KCNU1: variants seen among roughly 807,000 people sequenced by gnomAD.
KCNU1 encodes potassium calcium-activated channel subfamily U member 1.
KCNU1 carries 93 observed loss-of-function variants against 126.8 expected under a neutral mutation model. That is an observed-to-expected ratio of 0.73 (90% CI 0.62 to 0.87). The LOEUF (loss-of-function observed/expected upper bound fraction) is 0.87. Among genes scored for constraint, KCNU1 ranks in the 40% least tolerant of loss-of-function variants. The pLI, the probability that KCNU1 is intolerant of heterozygous loss-of-function variation, is 0.00. For synonymous variants in KCNU1, 523 were observed against 494.2 expected (o/e 1.06, Z -0.77); for missense variants, 1,330 against 1,367.1 (o/e 0.97, Z 0.43).
At chr8:36,840,429 G>T (rs372052384) in intron 14 of KCNU1, 34 bp from the exon 15 acceptor site, 1 of 1,018,552 alleles carries the variant, frequency 9.8e-7, no homozygotes, top group African/African-American at 1.6e-5. Context: ...ATTCCTTGTC[G>T]TTTTGCTTCG....
intron 16 of KCNU1, among the ~76,000 whole-genome samples, chr8:36,844,104 C>G (rs1003697099): frequency 7.2e-5 from 11 of 152,124 alleles, no homozygotes; most frequent in African/African-American, 2.7e-4. Flanking sequence ...AGCGGCCAGG[C>G]GCAGTGGCTC....
chr8:36,914,718 C>A (rs1475646192), intron 22 of KCNU1, among the ~76,000 whole-genome samples: 3 of 152,138 alleles, frequency 2.0e-5, no homozygotes, highest in Non-Finnish European at 4.4e-5. Context: ...ACTGCCCTGT[C>A]ACATCACAAG....
intron 2 of KCNU1, among the ~76,000 whole-genome samples, chr8:36,792,294 T>C (rs1220912883): frequency 6.6e-6 from 1 of 152,194 alleles, no homozygotes; most frequent in African/African-American, 2.4e-5. Context: ...TCTCCTCCCA[T>C]AATTGTATCT....
At chr8:36,827,327 G>T (rs2130517650) in intron 10 of KCNU1, among the ~76,000 whole-genome samples, 1 of 152,146 alleles carries the variant, frequency 6.6e-6, no homozygotes, top group African/African-American at 2.4e-5. Flanking sequence ...CTTTTGTTAT[G>T]CCAGTTTATA....
chr8:36,922,058 CA>C (rs1808369270), intron 23 of KCNU1, among the ~76,000 whole-genome samples: 1 of 152,164 alleles, frequency 6.6e-6, no homozygotes, highest in Non-Finnish European at 1.5e-5. Context: ...AAGTAAATAC[CA>C]AGTCATCTAT....
At chr8:36,876,587 C>G (rs1223749597) in intron 19 of KCNU1, among the ~76,000 whole-genome samples, 1 of 152,150 alleles carries the variant, frequency 6.6e-6, no homozygotes, top group Non-Finnish European at 1.5e-5. Context: ...TAATGAGGTG[C>G]TCTGTCACCA....
intron 24 of KCNU1, among the ~76,000 whole-genome samples, chr8:36,930,707 C>A (rs538535377): frequency 6.6e-6 from 1 of 152,046 alleles, no homozygotes; most frequent in South Asian, 2.1e-4. Context: ...CTTCTTCATC[C>A]GAAGTGTAAT....
chr8:36,897,319 TTC>T (rs1403975769), intron 19 of KCNU1, among the ~76,000 whole-genome samples: 1 of 151,976 alleles, frequency 6.6e-6, no homozygotes, highest in Non-Finnish European at 1.5e-5. Flanking sequence ...CTCTCTCTTT[TTC>T]TCTGTCTATC....
chr8:36,866,594 A>G (rs926716073), intron 19 of KCNU1, among the ~76,000 whole-genome samples: 1 of 152,146 alleles, frequency 6.6e-6, no homozygotes, highest in Non-Finnish European at 1.5e-5. Flanking sequence ...ACAGATGAGC[A>G]CTGGAATCTG....
intron 19 of KCNU1, among the ~76,000 whole-genome samples, chr8:36,888,067 G>A (rs1033007811): frequency 2.6e-5 from 4 of 152,012 alleles, no homozygotes; most frequent in Non-Finnish European, 4.4e-5. Flanking sequence ...TCAGTTGGTC[G>A]GGGAAAGGGG....
At chr8:36,924,435 C>G (rs1035631168) in intron 24 of KCNU1, among the ~76,000 whole-genome samples, 7 of 152,180 alleles carry the variant, frequency 4.6e-5, no homozygotes. Context: ...CAATGCCATT[C>G]GGCATGAGAT....
rs1803837769 is a variant in KCNU1, at chr8:36,814,481, T to C, written c.903+104T>C. 10 of 825,118 alleles carry C rather than the reference T, an allele frequency of 1.2e-5. No individual in the cohort carries two copies. The East Asian group carries it at 2.7e-4, about 22-fold the overall frequency. 51.1% of individuals were successfully genotyped at this position (825,118 alleles called of 1,614,324 possible). A position where few individuals can be genotyped will look rare whatever the true frequency, so the allele number is the denominator to read the frequency against. ...TATAGGTTTAAGAGTGAATGTTGCA[T>C]TACTTGGGGCACATGTCAAGGGCAA... On this transcript the variant is annotated intron_variant, in intron 8 of 26. Transcript: ENST00000399881.
chr8:36,802,913 T>C (rs1212688303), intron 2 of KCNU1, among the ~76,000 whole-genome samples: 1 of 152,144 alleles, frequency 6.6e-6, no homozygotes, highest in Non-Finnish European at 1.5e-5. Flanking sequence ...CAAGAGGAGC[T>C]AGAGAAATGT....
rs139373153 is a variant in KCNU1 at position 36,854,922 on chromosome 8, C to G, written c.1891+9023C>G. Among the ~76,000 whole-genome samples the G allele has an allele frequency of 4.4e-3, 664 of 152,234 alleles. 7 individuals are homozygous for G. The highest frequency in any genetic ancestry group is 0.015 in the African/African-American group (627 of 41,536). On this transcript the variant is annotated intron_variant, in intron 18 of 26. Transcript: ENST00000399881. Reference sequence around the variant, plus strand: ...ATTTGTGGCCATTGAATTTTCTACTCAACTTAGTGGTAAGCTTATAATTGG... The same window carrying G: ...ATTTGTGGCCATTGAATTTTCTACTGAACTTAGTGGTAAGCTTATAATTGG...
chr8:36,926,271 C>T lies in KCNU1; in HGVS notation c.2736+3642C>T, dbSNP rs533826854. ...TGTATGTGATCCTAGAGTCATTCCT[C>T]GCTGCCGCAATCAACTGCCCCTCCA... On this transcript the variant is annotated intron_variant, in intron 24 of 26. Coordinates refer to ENST00000399881, the MANE Select transcript of KCNU1 (RefSeq NM_001031836.3). Among the ~76,000 whole-genome samples, 12 of 152,268 alleles carry T rather than the reference C, an allele frequency of 7.9e-5. No homozygotes were observed. The South Asian group carries it at 2.3e-3, about 29-fold the overall frequency.
Position 36,810,932 on chromosome 8 carries a change from C to T in KCNU1, c.732+2139C>T, listed in dbSNP as rs190557629. Among the ~76,000 whole-genome samples the T allele has an allele frequency of 4.6e-5, 7 of 152,106 alleles. No homozygotes were observed. In the East Asian group the frequency reaches 5.8e-4, roughly 13 times the overall value. On this transcript the variant is annotated intron_variant, in intron 7 of 26. Transcript: ENST00000399881. ...AATGATCCTTCATAGAATATTTATA[C>T]GGTTTGAACCAAGGGATTATTAAAC... is the stretch of plus-strand genomic sequence containing the variant.
At position 36,898,746 on chromosome 8, in the gene KCNU1, A is replaced by G. The variant is rs373518307; in HGVS notation, c.2010-6962A>G. 2.2e-4 allele frequency among the ~76,000 whole-genome samples: 33 copies of G among 152,172 alleles called. No homozygotes were observed. The South Asian group carries it at 6.2e-3, about 29-fold the overall frequency. On this transcript the variant is annotated intron_variant, in intron 19 of 26. Coordinates refer to ENST00000399881, the MANE Select transcript of KCNU1 (RefSeq NM_001031836.3). ...GAGGGAAGTATTTTTTATTTAGATC[A>G]ACTTCTACACTTACTATGCAAGTTG...
At chr8:36,815,396 C>T (rs541280998) in intron 8 of KCNU1, among the ~76,000 whole-genome samples, 200 bp from the exon 9 acceptor site, 13 of 152,262 alleles carry the variant, frequency 8.5e-5, no homozygotes, top group Admixed American at 2.0e-4. Flanking sequence ...ATTTTGAATA[C>T]AGAAAAGCCT....
chr8:36,789,475 C>T (rs1226757040), intron 2 of KCNU1, among the ~76,000 whole-genome samples: 1 of 152,056 alleles, frequency 6.6e-6, no homozygotes. Flanking sequence ...ATCCTTCTTT[C>T]CTTCCTTTGT....
Sources: allele counts gnomAD v4.1 joint callset (sites outside exome capture counted in the v4.1 genomes callset), GRCh38; gene constraint gnomAD v4.1.1; transcripts MANE v1.5; gene names NCBI Gene and HGNC (gene_info 2026-07-23, HGNC 2026-07-21).